The following TBPL1 variants were observed in gnomAD, a reference collection of about 807,000 sequenced individuals.
TBPL1 encodes the protein TATA-box binding protein like 1, also known as TATA box-binding protein-like 1.
Under a neutral mutation model 22.1 loss-of-function variants are expected in TBPL1, and 4 were observed. The observed-to-expected ratio is 0.18, with a 90% CI of 0.09 to 0.41. The LOEUF is 0.41. TBPL1 is among the 10% of genes least tolerant of loss of function. The pLI, the probability that TBPL1 is intolerant of heterozygous loss-of-function variation, is 1.00. For synonymous variants in TBPL1, 64 were observed against 71.0 expected (o/e 0.90, Z 0.50); for missense variants, 115 against 222.3 (o/e 0.52, Z 3.07).
At chr6:133,967,723 A>T in intron 1 of TBPL1, among the ~76,000 whole-genome samples, 1 of 152,194 alleles carries the variant, frequency 6.6e-6, no homozygotes, top group Admixed American at 6.5e-5. Context: ...TTATAATATT[A>T]TGGACCCCTG....
rs1776491679 is a variant in TBPL1, at chr6:133,985,294, AAAAATATATATATATATATATATAT to A, written c.481+625_481+649del. On this transcript the variant is annotated intron_variant, in intron 6 of 6. Transcript: ENST00000237264. ...CTCTGTCTAAAAAAAAAAAAAAAAA[AAAAATATATATATATATATATATAT>A]ATATATATATATATATATACACACA... 2.9e-5 allele frequency among the ~76,000 whole-genome samples: 2 copies of A among 68,076 alleles called. 1 individual carries two copies. Among genetic ancestry groups the A allele is most frequent in the Non-Finnish European group, 5.8e-5 (2 of 34,394 alleles). 44.7% of individuals were successfully genotyped at this position (68,076 alleles called of 152,430 possible).
chr6:133,958,303 C>T (rs535590191), intron 1 of TBPL1, among the ~76,000 whole-genome samples: 2 of 152,256 alleles, frequency 1.3e-5, no homozygotes, highest in African/African-American at 4.8e-5. Flanking sequence ...CTTGTATAAC[C>T]TTAGTTGATG....
intron 1 of TBPL1, among the ~76,000 whole-genome samples, chr6:133,974,856 A>T (rs906636487): frequency 2.3e-4 from 35 of 152,204 alleles, no homozygotes; most frequent in African/African-American, 8.2e-4. Context: ...AGTAAATGCA[A>T]AGAACTGCTA....
At position 133,974,951 on chromosome 6, in the gene TBPL1, AC is replaced by A. The variant is rs1442318304; in HGVS notation, c.-44-5129del. Reference sequence around the variant, plus strand: ...AAAACACATATCCAACTTCAGTCACACCTAAGACACTGGGTTATAATTGTCT... The same window carrying A: ...AAAACACATATCCAACTTCAGTCACACTAAGACACTGGGTTATAATTGTCT... On this transcript the variant is annotated intron_variant, in intron 1 of 6. Transcript: ENST00000237264. Among the ~76,000 whole-genome samples, 5 of 152,338 alleles carry A rather than the reference AC, an allele frequency of 3.3e-5. No individual in the cohort carries two copies. In the South Asian group the frequency reaches 8.3e-4, roughly 25 times the overall value.
Position 133,980,142 on chromosome 6 carries a change from A to T in TBPL1, c.17A>T (p.Asp6Val). 1 of 1,577,066 alleles carries T rather than the reference A, an allele frequency of 6.3e-7. No individual in the cohort carries two copies. The highest frequency in any genetic ancestry group is 8.6e-7 in the Non-Finnish European group (1 of 1,163,008). Residue 6 changes from aspartate (D) to valine (V), a missense_variant, in exon 2 of 7, where the codon GAT (aspartate) becomes GTT (valine). Asp to Val is a radical substitution (Grantham distance 152). Transcript: ENST00000237264. MDADS[D>V]VALDILITNV... is the part of the protein sequence containing the mutation. ...ACCACCCCAATGGATGCAGACAGTG[A>T]TGTTGCATTGGACATTCTAATTACA...
At chr6:133,986,326 C>T (rs1304156828) in intron 6 of TBPL1, among the ~76,000 whole-genome samples, 1 of 152,078 alleles carries the variant, frequency 6.6e-6, no homozygotes, top group Non-Finnish European at 1.5e-5. Context: ...TTCTTTTTAG[C>T]GATTTAAATG....
intron 1 of TBPL1, among the ~76,000 whole-genome samples, chr6:133,976,087 G>C (rs1028592701): frequency 6.6e-6 from 1 of 152,106 alleles, no homozygotes; most frequent in Non-Finnish European, 1.5e-5. Flanking sequence ...GAAATGTACT[G>C]TATATGCATT....
rs143030976 is a variant in TBPL1, at chr6:133,959,094, C to T, written c.-45+5669C>T. Among the ~76,000 whole-genome samples the T allele has an allele frequency of 2.7e-3, 413 of 152,172 alleles. 1 individual carries two copies. Among genetic ancestry groups the T allele is most frequent in the African/African-American group, 9.4e-3 (391 of 41,516 alleles). On this transcript the variant is annotated intron_variant, in intron 1 of 6. Coordinates refer to ENST00000237264, the MANE Select transcript of TBPL1 (RefSeq NM_004865.4). ...TCACTCTGTCACCCAGACTGGAGTG[C>T]GGTGGTGGCATCTCAGCTCATTGCA... is the stretch of plus-strand genomic sequence containing the variant.
chr6:133,982,937 A>C, intron 4 of TBPL1, 57 bp downstream of exon 4: 1 of 1,483,928 alleles, frequency 6.7e-7, no homozygotes, highest in Non-Finnish European at 9.2e-7. Context: ...TTTTTATAGA[A>C]TTAAAAATTG....
intron 1 of TBPL1, among the ~76,000 whole-genome samples, chr6:133,963,959 G>C (rs9493774): frequency 0.15 from 22,185 of 151,874 alleles, 2,121 homozygotes; most frequent in African/African-American, 0.28. Context: ...GAGAATGGTG[G>C]GAACCTGGGA....
chr6:133,966,763 G>C (rs1199709453), intron 1 of TBPL1, among the ~76,000 whole-genome samples: 1 of 152,018 alleles, frequency 6.6e-6, no homozygotes, highest in African/African-American at 2.4e-5. Flanking sequence ...AGAAAATTCT[G>C]TTCACTCTAT....
At chr6:133,986,910 T>G in intron 6 of TBPL1, 51 bp from the exon 7 acceptor site, 1 of 1,292,594 alleles carries the variant, frequency 7.7e-7, no homozygotes, top group Non-Finnish European at 1.1e-6. Context: ...TTTTTCCTAG[T>G]GCTCCCTTTT....
chr6:133,987,095 C>G lies in TBPL1; in HGVS notation c.*55C>G, dbSNP rs1358396845. ...CTGAGCACCTTTTAAACCTGCTGCA[C>G]ATTGGACTCAAAAGGAAAACTGGAC... On this transcript the variant is annotated 3_prime_UTR_variant, in exon 7 of 7. Transcript: ENST00000237264. 1.6e-6 allele frequency: 2 copies of G among 1,279,674 alleles called. No individual in the cohort carries two copies. Among genetic ancestry groups the G allele is most frequent in the Non-Finnish European group, 2.2e-6 (2 of 908,070 alleles). The allele number at this position is 1,279,674 out of a possible 1,614,324, so 79.3% of individuals were successfully genotyped here. A position where few individuals can be genotyped will look rare whatever the true frequency, so the allele number is the denominator to read the frequency against.
intron 1 of TBPL1, among the ~76,000 whole-genome samples, chr6:133,963,757 G>T (rs1049071972): frequency 1.3e-5 from 2 of 151,822 alleles, no homozygotes; most frequent in Non-Finnish European, 2.9e-5. Context: ...CCGGCCTGGC[G>T]CGGTGGCTCA....
intron 1 of TBPL1, among the ~76,000 whole-genome samples, chr6:133,976,218 T>C (rs1776309801): frequency 6.6e-6 from 1 of 152,216 alleles, no homozygotes; most frequent in African/African-American, 2.4e-5. Flanking sequence ...TTTTCATGCT[T>C]AGAATTAAAC....
intron 1 of TBPL1, among the ~76,000 whole-genome samples, chr6:133,959,777 C>G (rs914734828): frequency 6.6e-6 from 1 of 152,224 alleles, no homozygotes; most frequent in African/African-American, 2.4e-5. Flanking sequence ...GCCATTGCAC[C>G]TGGCCACCTA....
chr6:133,967,118 G>C (rs1776133781), intron 1 of TBPL1, among the ~76,000 whole-genome samples: 1 of 152,138 alleles, frequency 6.6e-6, no homozygotes, highest in Non-Finnish European at 1.5e-5. Context: ...CTTCAGGCCT[G>C]AGCAGTTCCT....
chr6:133,954,415 C>G (rs1336900928), intron 1 of TBPL1, among the ~76,000 whole-genome samples: 1 of 152,250 alleles, frequency 6.6e-6, no homozygotes, highest in East Asian at 1.9e-4. Context: ...TTCGCAGTCT[C>G]TTTGAGAAAA....
intron 1 of TBPL1, among the ~76,000 whole-genome samples, chr6:133,962,019 T>C (rs1776033509): frequency 6.6e-6 from 1 of 152,168 alleles, no homozygotes; most frequent in South Asian, 2.1e-4. Context: ...ATACTAAATA[T>C]GCAATTATGC....
Sources: allele counts gnomAD v4.1 joint callset (sites outside exome capture counted in the v4.1 genomes callset), GRCh38; gene constraint gnomAD v4.1.1; transcripts MANE v1.5; gene names NCBI Gene and HGNC (gene_info 2026-07-23, HGNC 2026-07-21).